NUMA1: variants seen among roughly 807,000 people sequenced by gnomAD.
The protein encoded by NUMA1 is nuclear mitotic apparatus protein 1, also known as SP-H antigen.
A neutral mutation model predicts 237.1 loss-of-function variants in NUMA1; 62 were observed. That is an observed-to-expected ratio of 0.26 (90% CI 0.21 to 0.32). The LOEUF (loss-of-function observed/expected upper bound fraction) is 0.32, where lower values mean the gene tolerates loss of function less well. Among genes scored for constraint, NUMA1 ranks in the 10% least tolerant of loss-of-function variants. NUMA1 has a pLI of 1.00. For synonymous variants in NUMA1, 1,028 were observed against 1,066.1 expected (o/e 0.96, Z 0.70); for missense variants, 2,533 against 2,666.5 (o/e 0.95, Z 1.10).
intron 3 of NUMA1, among the ~76,000 whole-genome samples, chr11:72,031,167 A>G (rs1187902378): frequency 3.3e-5 from 5 of 151,998 alleles, no homozygotes; most frequent in African/African-American, 4.8e-5. Flanking sequence ...GGACATGGTG[A>G]CATGTGCCTG....
chr11:72,012,898 G>A lies in NUMA1; in HGVS notation c.4605C>T (p.Ala1535=). 1.2e-6 allele frequency: 2 copies of A among 1,613,578 alleles called. No individual in the cohort carries two copies. The highest frequency in any genetic ancestry group is 1.7e-6 in the Non-Finnish European group (2 of 1,179,692). ...GTGGTTGGGCTGAGTACCTTACCTG[G>A]GCAGTGAGTTTCTGCCTCTCTTCCT... The part of the protein sequence containing the change: ...RFQEERQKLT[A]QVEQLEVFQR... Residue 1535 remains alanine, a synonymous_variant, in exon 15 of 27, where the codon GCC becomes GCT. Coordinates refer to ENST00000393695, the MANE Select transcript of NUMA1 (RefSeq NM_006185.4).
rs992750030 is a variant in NUMA1, at chr11:72,009,166, T to C, written c.4859A>G (p.His1620Arg). 1 of 1,537,658 alleles carries C rather than the reference T, an allele frequency of 6.5e-7. No individual in the cohort carries two copies. The highest frequency in any genetic ancestry group is 8.8e-7 in the Non-Finnish European group (1 of 1,137,254). Residue 1620 changes from histidine to arginine, a missense_variant, in exon 19 of 27, where the codon CAT becomes CGT. His to Arg is a conservative substitution (Grantham distance 29). Coordinates refer to ENST00000393695, the MANE Select transcript of NUMA1 (RefSeq NM_006185.4). ...GTTCTGCTGCTTCTTGGCATCATAA[T>C]GTGTTTTGGCTTTCTCCATCTGTGG... ...YKLQMEKAKTHYDAKKQQNQE... is the reference protein window; with the variant it reads ...YKLQMEKAKTRYDAKKQQNQE...
rs149620306 is a variant in NUMA1 at position 72,035,945 on chromosome 11, T to G, written c.-2A>C. ...CCCCCGGGTGGCGTGGAGTGTCATC[T>G]TGGTGATGCCAGACAGTCACTCCAA... is the stretch of plus-strand genomic sequence containing the variant. On this transcript the variant is annotated 5_prime_UTR_variant, in exon 3 of 27. Coordinates refer to ENST00000393695, the MANE Select transcript of NUMA1 (RefSeq NM_006185.4). 1.2e-6 allele frequency: 2 copies of G among 1,614,026 alleles called. No individual in the cohort carries two copies. The highest frequency in any genetic ancestry group is 2.2e-5 in the South Asian group (2 of 91,060).
At position 72,013,293 on chromosome 11, in the gene NUMA1, G is replaced by A. The variant is rs1200305918; in HGVS notation, c.4210C>T (p.Arg1404Trp). The change falls in exon 15 of 27, where the codon CGG (arginine) becomes TGG (tryptophan). Residue 1404 changes from arginine (R) to tryptophan (W), a missense_variant. By Grantham distance (101) the Arg-to-Trp change is moderately radical. Around this residue, in one of 3 missense-constraint regions of NUMA1, gnomAD observed 324 missense variants for 407.6 expected, o/e 0.79. Transcript: ENST00000393695. The surrounding 1 kb of genome is among the most constrained non-coding windows in gnomAD (Gnocchi z 6.8). ...AGAGGAATCAGCTCCCCAAGCTCCC[G>A]CTGGGCCCGCAGCAGCTCTGCCCGC... Reference protein sequence around the residue: ...GLRAELLRAQRELGELIPLRQ... With the variant: ...GLRAELLRAQWELGELIPLRQ... 1.9e-6 allele frequency: 3 copies of A among 1,604,134 alleles called. No individual in the cohort carries two copies. Among genetic ancestry groups the A allele is most frequent in the African/African-American group, 1.3e-5 (1 of 74,878 alleles).
chr11:72,074,231 T>C (rs1244344950), intron 1 of NUMA1, among the ~76,000 whole-genome samples: 1 of 96,964 alleles, frequency 1.0e-5, no homozygotes, highest in Non-Finnish European at 2.3e-5. Context: ...TGTGCGCCTG[T>C]AATCCCAGTT....
Position 72,003,420 on chromosome 11 carries a change from C to T in NUMA1, c.*107G>A. 1 of 1,117,892 alleles carries T rather than the reference C, an allele frequency of 8.9e-7. No homozygotes were observed. The highest frequency in any genetic ancestry group is 1.4e-6 in the Non-Finnish European group (1 of 728,732). The allele number at this position is 1,117,892 out of a possible 1,614,324, so 69.2% of individuals were successfully genotyped here. ...ATCACTGTCTCTAGGGGTTTGGCTA[C>T]TGTTGGCCTGGGAGCTGAGAGAAGG... is the stretch of plus-strand genomic sequence containing the variant. On this transcript the variant is annotated 3_prime_UTR_variant, in exon 27 of 27. Transcript: ENST00000393695.
chr11:72,035,803 G>A, intron 3 of NUMA1, 99 bp downstream of exon 3: 1 of 1,060,370 alleles, frequency 9.4e-7, no homozygotes, highest in Non-Finnish European at 1.5e-6. Flanking sequence ...CTAGAAATGA[G>A]AAGACTTTAC....
intron 2 of NUMA1, among the ~76,000 whole-genome samples, chr11:72,057,907 T>TAA (rs749792471): frequency 7.5e-6 from 1 of 132,690 alleles, no homozygotes. Flanking sequence ...CTGTCTCTAT[T>TAA]AAAAAAAAAA....
chr11:72,036,640 T>C (rs1172563348), intron 2 of NUMA1, among the ~76,000 whole-genome samples: 1 of 152,222 alleles, frequency 6.6e-6, no homozygotes, highest in African/African-American at 2.4e-5. Context: ...ACAAACACAG[T>C]TCAAATGGGG....
At chr11:72,064,526 T>G (rs675185) in intron 2 of NUMA1, among the ~76,000 whole-genome samples, 134,843 of 152,158 alleles carry the variant, frequency 0.89, 60,027 homozygotes, top group Non-Finnish European at 0.95. Context: ...ACTCAAGAAA[T>G]GTTGAATTTT....
chr11:72,037,222 C>T (rs1215674025), intron 2 of NUMA1, among the ~76,000 whole-genome samples: 1 of 152,148 alleles, frequency 6.6e-6, no homozygotes, highest in African/African-American at 2.4e-5. Flanking sequence ...TATGATCATC[C>T]TCGCTGGGAG....
chr11:72,003,657 C>G (rs1955426613), intron 26 of NUMA1, 119 bp from the exon 27 acceptor site: 2 of 1,349,944 alleles, frequency 1.5e-6, no homozygotes, highest in Admixed American at 3.5e-5. Flanking sequence ...CTTGTGAGCC[C>G]CAGGGTTATC....
At chr11:72,029,103 T>C in intron 4 of NUMA1, 102 bp downstream of exon 4, 1 of 799,416 alleles carries the variant, frequency 1.3e-6, no homozygotes, top group South Asian at 1.8e-5. Flanking sequence ...CTTCCCCTGA[T>C]TTCTGGTCAT....
chr11:72,004,386 A>C (rs769181979), intron 24 of NUMA1, 45 bp from the exon 25 acceptor site: 2 of 1,542,716 alleles, frequency 1.3e-6, no homozygotes, highest in African/African-American at 1.4e-5. Flanking sequence ...AAGAGGAGTC[A>C]CATCTGAAGC....
At chr11:72,003,650 G>A in intron 26 of NUMA1, 112 bp from the exon 27 acceptor site, 1 of 1,402,686 alleles carries the variant, frequency 7.1e-7, no homozygotes, top group South Asian at 1.2e-5. Context: ...CCCCTCCCTT[G>A]TGAGCCCCAG....
At chr11:72,076,662 G>C (rs1452159767) in intron 1 of NUMA1, 1 of 152,078 alleles carries the variant, frequency 6.6e-6, no homozygotes. Context: ...GTGCATGCCT[G>C]TAATCCCAGC....
chr11:72,018,504 A>G lies in NUMA1; in HGVS notation c.752T>C (p.Ile251Thr). The change falls in exon 11 of 27, where the codon ATA becomes ACA. Residue 251 changes from isoleucine to threonine, a missense_variant. Physicochemically the swap from Ile to Thr is moderately conservative, Grantham distance 89 (BLOSUM62 -1). Around this residue, in one of 3 missense-constraint regions of NUMA1, gnomAD observed 1,414 missense variants for 1,508.1 expected, o/e 0.94. Transcript: ENST00000393695. ...GTCAATGCGCTGCTGCATCATGGCT[A>G]TCTGTGCATCTGCCCAGAGTGGAGG... ...RKLLTEKDAQ[I>T]AMMQQRIDRL... 9.3e-6 allele frequency: 15 copies of G among 1,613,924 alleles called. No individual in the cohort carries two copies. Among genetic ancestry groups the G allele is most frequent in the Middle Eastern group, 1.6e-4 (1 of 6,062 alleles).
At chr11:72,035,490 C>G (rs1940910986) in intron 3 of NUMA1, among the ~76,000 whole-genome samples, 1 of 150,256 alleles carries the variant, frequency 6.7e-6, no homozygotes, top group South Asian at 2.1e-4. Flanking sequence ...TCACAGCAAC[C>G]TCCGCCTCCC....
chr11:72,065,588 T>A (rs1322737694), intron 2 of NUMA1: 1 of 152,216 alleles, frequency 6.6e-6, no homozygotes, highest in African/African-American at 2.4e-5. Context: ...GATAGTGGGA[T>A]TACGGGTGAT....
Sources: gnomAD v4.1 joint callset for allele counts (sites outside exome capture counted in the v4.1 genomes callset) on GRCh38, gnomAD v4.1.1 for gene constraint, gnomAD v4.1.1 regional missense constraint, Gnocchi (gnomAD v3.1) non-coding constraint, MANE v1.5 for transcripts, NCBI Gene and HGNC (gene_info 2026-07-23, HGNC 2026-07-21) for gene names.